Variants in KDM4C observed in about 807,000 individuals in gnomAD.
KDM4C encodes the protein lysine demethylase 4C.
Under a neutral mutation model 129.3 loss-of-function variants are expected in KDM4C, and 81 were observed. The ratio of observed to expected loss-of-function variants is 0.63; its 90% confidence interval spans 0.52 to 0.75. The LOEUF (loss-of-function observed/expected upper bound fraction) is 0.75, where lower values mean the gene tolerates loss of function less well. Ranked by LOEUF, KDM4C falls within the 30% of genes least tolerant of loss-of-function variation. The pLI is 0.00. For synonymous variants in KDM4C, 573 were observed against 456.1 expected (o/e 1.26, Z -3.26); for missense variants, 1,457 against 1,304.0 (o/e 1.12, Z -1.81).
chr9:6,799,642 CT>C (rs1052629844), intron 2 of KDM4C, among the ~76,000 whole-genome samples: 16,425 of 121,440 alleles, frequency 0.14, 1,141 homozygotes, highest in African/African-American at 0.21. Flanking sequence ...TTTTTCTTTT[CT>C]TTTTTTTTTT....
chr9:7,098,284 TCCCACTGG>T (rs1836683010), intron 17 of KDM4C, among the ~76,000 whole-genome samples: 2 of 152,358 alleles, frequency 1.3e-5, no homozygotes, highest in South Asian at 4.1e-4. Context: ...GCTGAGCTCA[TCCCACTGG>T]CCTTTCCCTG....
At chr9:6,924,643 C>T in intron 8 of KDM4C, 1 of 507,060 alleles carries the variant, frequency 2.0e-6, no homozygotes. Context: ...TAGATCTTCT[C>T]TGATTATTCC....
At chr9:7,125,045 C>T (rs1839891318) in intron 18 of KDM4C, among the ~76,000 whole-genome samples, 2 of 152,130 alleles carry the variant, frequency 1.3e-5, no homozygotes, top group Admixed American at 1.3e-4. Context: ...TACATCTAAA[C>T]CCCTCAGTGG....
At chr9:7,068,922 C>G (rs1832822134) in intron 17 of KDM4C, among the ~76,000 whole-genome samples, 1 of 151,934 alleles carries the variant, frequency 6.6e-6, no homozygotes, top group Admixed American at 6.6e-5. Flanking sequence ...GTCTCGAACT[C>G]CTGACCTCAG....
chr9:6,973,657 A>G (rs1171571212), intron 8 of KDM4C, among the ~76,000 whole-genome samples: 1 of 152,200 alleles, frequency 6.6e-6, no homozygotes, highest in African/African-American at 2.4e-5. Flanking sequence ...AGCACCCTTG[A>G]TATACTATTT....
At chr9:7,067,300 A>G (rs534231351) in intron 17 of KDM4C, among the ~76,000 whole-genome samples, 2 of 152,246 alleles carry the variant, frequency 1.3e-5, no homozygotes, top group African/African-American at 2.4e-5. Context: ...GCTGTGGTGC[A>G]TAACATAACC....
At chr9:6,776,985 T>G (rs926863613) in intron 1 of KDM4C, among the ~76,000 whole-genome samples, 1 of 152,176 alleles carries the variant, frequency 6.6e-6, no homozygotes, top group African/African-American at 2.4e-5. Context: ...GCACTTAGGT[T>G]TGTATATTGA....
chr9:6,829,517 G>A (rs1249867822), intron 4 of KDM4C, among the ~76,000 whole-genome samples: 1 of 152,224 alleles, frequency 6.6e-6, no homozygotes, highest in Non-Finnish European at 1.5e-5. Flanking sequence ...AAAAAACTTT[G>A]GAGATCATCT....
intron 1 of KDM4C, among the ~76,000 whole-genome samples, chr9:6,722,802 C>T (rs994302742): frequency 3.4e-4 from 51 of 152,018 alleles, no homozygotes; most frequent in Middle Eastern, 3.4e-3. Flanking sequence ...TATGAGCCAC[C>T]GCATCCGGCC....
intron 15 of KDM4C, among the ~76,000 whole-genome samples, chr9:7,046,123 T>G (rs1324568603): frequency 1.3e-5 from 2 of 152,020 alleles, no homozygotes; most frequent in African/African-American, 2.4e-5. Context: ...CCTGGTCTTT[T>G]TCATGAGAGT....
intron 17 of KDM4C, among the ~76,000 whole-genome samples, chr9:7,071,769 A>T (rs1000502585): frequency 2.0e-5 from 3 of 152,194 alleles, no homozygotes; most frequent in Non-Finnish European, 2.9e-5. Flanking sequence ...CAATTGAAAA[A>T]TTGAGCCCCA....
intron 3 of KDM4C, among the ~76,000 whole-genome samples, chr9:6,809,831 C>A (rs1027865338): frequency 6.6e-6 from 1 of 152,040 alleles, no homozygotes; most frequent in Non-Finnish European, 1.5e-5. Context: ...AATCCAGTCT[C>A]TACAATAAAT....
chr9:6,772,363 G>A (rs1822032564), intron 1 of KDM4C, among the ~76,000 whole-genome samples: 1 of 151,598 alleles, frequency 6.6e-6, no homozygotes, highest in African/African-American at 2.4e-5. Flanking sequence ...TGGCCAGACT[G>A]GTCCTTTTTT....
chr9:6,946,632 G>A (rs561368878), intron 8 of KDM4C, among the ~76,000 whole-genome samples: 4 of 152,156 alleles, frequency 2.6e-5, no homozygotes, highest in African/African-American at 4.8e-5. Flanking sequence ...GTTTATGTGC[G>A]TGTGTTTATG....
At chr9:6,909,732 T>C (rs543828803) in intron 8 of KDM4C, among the ~76,000 whole-genome samples, 50 of 152,318 alleles carry the variant, frequency 3.3e-4, no homozygotes, top group Non-Finnish European at 6.6e-4. Context: ...TTTTAGAGTA[T>C]ATTTGACAGC....
chr9:6,810,111 T>G (rs1830871271), intron 3 of KDM4C, among the ~76,000 whole-genome samples: 1 of 152,246 alleles, frequency 6.6e-6, no homozygotes, highest in South Asian at 2.1e-4. Flanking sequence ...AGTTCTTTCT[T>G]CTCTTGTTAT....
intron 8 of KDM4C, among the ~76,000 whole-genome samples, chr9:6,921,458 C>T (rs1451584973): frequency 6.6e-6 from 1 of 152,214 alleles, no homozygotes; most frequent in Non-Finnish European, 1.5e-5. Context: ...GGAGTCATCA[C>T]TGCTCACTCG....
chr9:6,757,764 C>A (rs1029110958), upstream of KDM4C: 4 of 985,484 alleles, frequency 4.1e-6, no homozygotes, highest in African/African-American at 7.0e-5. Flanking sequence ...TCCTTCTACG[C>A]GAGTATCTTT....
At chr9:7,093,608 T>C (rs1336703109) in intron 17 of KDM4C, among the ~76,000 whole-genome samples, 1 of 152,174 alleles carries the variant, frequency 6.6e-6, no homozygotes, top group Non-Finnish European at 1.5e-5. Context: ...CTGGACTCCT[T>C]TGGCAGTTTT....
Sources: gnomAD v4.1 joint callset for allele counts (sites outside exome capture counted in the v4.1 genomes callset) on GRCh38, gnomAD v4.1.1 for gene constraint, MANE v1.5 for transcripts, NCBI Gene and HGNC (gene_info 2026-07-23, HGNC 2026-07-21) for gene names.